The following ZNF407 variants were observed in gnomAD, a reference collection of about 807,000 sequenced individuals.
The protein encoded by ZNF407 is zinc finger protein 407.
ZNF407 carries 17 observed loss-of-function variants against 131.2 expected under a neutral mutation model. The ratio of observed to expected loss-of-function variants is 0.13; its 90% confidence interval spans 0.09 to 0.19. The LOEUF (loss-of-function observed/expected upper bound fraction) is 0.19. ZNF407 is among the 10% of genes least tolerant of loss of function. The pLI, the probability that ZNF407 is intolerant of heterozygous loss-of-function variation, is 1.00. For missense variants in ZNF407, 2,681 were observed against 2,830.6 expected (o/e 0.95, Z 1.20); for synonymous variants, 1,156 against 1,062.0 (o/e 1.09, Z -1.72).
intron 4 of ZNF407, chr18:74,803,895 C>T (rs972202269): frequency 4.1e-5 from 62 of 1,508,654 alleles, no homozygotes; most frequent in Non-Finnish European, 5.0e-5. Context: ...AAAATGTTCA[C>T]GAGAATGCTT....
At chr18:75,047,930 C>T (rs905100482) in intron 8 of ZNF407, among the ~76,000 whole-genome samples, 2 of 152,164 alleles carry the variant, frequency 1.3e-5, no homozygotes, top group African/African-American at 2.4e-5. Context: ...TGAGTAGAGA[C>T]GAAGGTAAAC....
chr18:74,750,027 T>G (rs1245767389), intron 3 of ZNF407, among the ~76,000 whole-genome samples: 1 of 152,176 alleles, frequency 6.6e-6, no homozygotes, highest in Non-Finnish European at 1.5e-5. Context: ...ATGAAAGTCC[T>G]TTCCAGCCTC....
intron 3 of ZNF407, among the ~76,000 whole-genome samples, chr18:74,719,312 A>G (rs558497324): frequency 5.9e-5 from 9 of 152,210 alleles, no homozygotes; most frequent in Admixed American, 2.0e-4. Flanking sequence ...CCTTTAACAC[A>G]TCTCTCCCTA....
intron 3 of ZNF407, among the ~76,000 whole-genome samples, chr18:74,769,696 G>T (rs76528349): frequency 0.018 from 2,749 of 152,304 alleles, 36 homozygotes; most frequent in Non-Finnish European, 0.03. Flanking sequence ...CTAGATGCAG[G>T]TTTTTGCATG....
chr18:74,673,207 A>G (rs1019629733), intron 3 of ZNF407, among the ~76,000 whole-genome samples: 3 of 152,234 alleles, frequency 2.0e-5, no homozygotes, highest in African/African-American at 7.2e-5. Context: ...CCAGATGACC[A>G]CAAACTTAGG....
intron 3 of ZNF407, among the ~76,000 whole-genome samples, chr18:74,655,483 A>G (rs1479578734): frequency 1.3e-5 from 2 of 152,108 alleles, no homozygotes; most frequent in South Asian, 2.1e-4. Context: ...GATTATAGAA[A>G]TCACTTGCAC....
chr18:74,944,377 A>C (rs553828553), intron 8 of ZNF407, among the ~76,000 whole-genome samples: 1 of 152,224 alleles, frequency 6.6e-6, no homozygotes, highest in Non-Finnish European at 1.5e-5. Context: ...GTTAATATTT[A>C]TTGATTTTTA....
At chr18:74,767,648 T>C (rs954767790) in intron 3 of ZNF407, among the ~76,000 whole-genome samples, 53 of 106,054 alleles carry the variant, frequency 5.0e-4, no homozygotes, top group African/African-American at 1.6e-3. Flanking sequence ...TTCTGAATTC[T>C]CTTTTTTTTT....
At chr18:74,856,737 A>C (rs779116119) in intron 4 of ZNF407, among the ~76,000 whole-genome samples, 1 of 152,240 alleles carries the variant, frequency 6.6e-6, no homozygotes, top group African/African-American at 2.4e-5. Flanking sequence ...AAATGCAATC[A>C]TTGTCAAGTT....
chr18:74,779,458 C>T (rs1026610426), intron 3 of ZNF407, among the ~76,000 whole-genome samples: 17 of 151,950 alleles, frequency 1.1e-4, no homozygotes, highest in African/African-American at 3.9e-4. Flanking sequence ...AGGCTTTTAC[C>T]TTATTTGTAC....
At chr18:75,042,447 T>TGTATAATAGA (rs1165399874) in intron 8 of ZNF407, among the ~76,000 whole-genome samples, 4 of 152,150 alleles carry the variant, frequency 2.6e-5, no homozygotes, top group African/African-American at 9.7e-5. Context: ...GTCATAATAT[T>TGTATAATAGA]GTATAATTAG....
At chr18:74,752,200 GC>G (rs1315696765) in intron 3 of ZNF407, among the ~76,000 whole-genome samples, 1 of 151,942 alleles carries the variant, frequency 6.6e-6, no homozygotes, top group East Asian at 1.9e-4. Context: ...CATATCCTTT[GC>G]CCACTTTTTG....
chr18:74,667,655 G>A (rs8090565), intron 3 of ZNF407, among the ~76,000 whole-genome samples: 5 of 151,994 alleles, frequency 3.3e-5, no homozygotes, highest in African/African-American at 1.2e-4. Context: ...CATTGAGGCC[G>A]GGATTCTACT....
At chr18:74,838,432 C>A (rs1970587577) in intron 4 of ZNF407, among the ~76,000 whole-genome samples, 1 of 152,206 alleles carries the variant, frequency 6.6e-6, no homozygotes, top group Non-Finnish European at 1.5e-5. Flanking sequence ...CTCTGCCCCA[C>A]TCCTTACAGG....
At chr18:74,925,275 A>C (rs1971898544) in intron 8 of ZNF407, among the ~76,000 whole-genome samples, 1 of 152,160 alleles carries the variant, frequency 6.6e-6, no homozygotes, top group Non-Finnish European at 1.5e-5. Flanking sequence ...CTCTTCAAAA[A>C]TTGGGGTTCT....
intron 3 of ZNF407, among the ~76,000 whole-genome samples, chr18:74,708,786 A>G (rs1174247406): frequency 2.0e-5 from 3 of 152,200 alleles, no homozygotes; most frequent in Non-Finnish European, 1.5e-5. Context: ...GAGGATTTAC[A>G]TGTGTGCTAA....
chr18:74,637,003 G>C (rs1696196552), intron 2 of ZNF407, among the ~76,000 whole-genome samples: 4 of 152,192 alleles, frequency 2.6e-5, no homozygotes, highest in African/African-American at 9.7e-5. Context: ...AAACTAAGAG[G>C]AAGATGCTAA....
chr18:74,938,202 T>G (rs1392113741), intron 8 of ZNF407, among the ~76,000 whole-genome samples: 2 of 152,180 alleles, frequency 1.3e-5, no homozygotes, highest in Admixed American at 1.3e-4. Context: ...TCATCATAAT[T>G]GTCTTGATAT....
rs1300342579 is a variant in ZNF407, at chr18:74,632,313, A to G, written c.1294A>G (p.Ser432Gly). Residue 432 changes from serine to glycine, a missense_variant, in exon 2 of 9, where the codon AGC becomes GGC. Transcript: ENST00000299687. ...VLGNSFRRRS[S>G]TFTLKGQAKK... ...GGGTAATAGCTTTCGTCGACGAAGC[A>G]GCACTTTCACCTTGAAGGGCCAGGC... 4 of 1,613,916 alleles carry G rather than the reference A, an allele frequency of 2.5e-6. No individual in the cohort carries two copies. In the South Asian group the frequency reaches 3.3e-5, roughly 13 times the overall value.
Sources: allele counts gnomAD v4.1 joint callset (sites outside exome capture counted in the v4.1 genomes callset), GRCh38; gene constraint gnomAD v4.1.1; transcripts MANE v1.5; gene names NCBI Gene and HGNC (gene_info 2026-07-23, HGNC 2026-07-21).